Variants in BTK observed in about 807,000 individuals in gnomAD.
BTK encodes the protein Bruton tyrosine kinase.
BTK carries 5 observed loss-of-function variants against 57.4 expected under a neutral mutation model. The observed-to-expected ratio is 0.09, with a 90% confidence interval of 0.05 to 0.18. BTK has a LOEUF of 0.18. Ranked by LOEUF, BTK falls within the 10% of genes least tolerant of loss-of-function variation. BTK has a pLI of 1.00. For missense variants in BTK, 194 were observed against 501.2 expected, an observed-to-expected ratio of 0.39 and a Z score of 5.85; for synonymous variants, 154 against 174.3, an observed-to-expected ratio of 0.88 and a Z score of 0.92.
intron 1 of BTK, among the ~76,000 whole-genome samples, chrX:101,382,216 A>G (rs782678436): frequency 9.1e-6 from 1 of 110,422 alleles, no homozygotes; most frequent in Non-Finnish European, 1.9e-5. Flanking sequence ...GCCAAACTCA[A>G]TTTTCGAAAG....
chrX:101,364,425 G>A (rs111583540), intron 5 of BTK, among the ~76,000 whole-genome samples: 95 of 79,660 alleles, frequency 1.2e-3, no homozygotes, highest in South Asian at 2.9e-3. Context: ...AAAAAAAAAA[G>A]AAAAGAAAAA....
intron 5 of BTK, among the ~76,000 whole-genome samples, chrX:101,366,394 C>T: frequency 8.9e-6 from 1 of 112,179 alleles, no homozygotes; most frequent in Non-Finnish European, 1.9e-5. Flanking sequence ...TGAGATCCAG[C>T]ACCTCATGCC....
At position 101,359,879 on chromosome X, in the gene BTK, GTA is replaced by G. The variant is rs1280227607; in HGVS notation, c.839+207_839+208del. ...AAATATGTTGAAAGTAGAAAAAAGTGTATATATATATATACACACTTGTGTAT... is the reference window on the plus strand; with the variant it reads ...AAATATGTTGAAAGTAGAAAAAAGTGTATATATATATACACACTTGTGTAT... On this transcript the variant is annotated intron_variant, in intron 9 of 18. Transcript: ENST00000308731. Among the ~76,000 whole-genome samples the G allele has an allele frequency of 2.0e-3, 202 of 102,752 alleles. No individual in the cohort carries two copies. The Middle Eastern group carries it at 0.031, about 16-fold the overall frequency. 89.2% of individuals were successfully genotyped at this position (102,752 alleles called of 115,157 possible).
intron 1 of BTK, among the ~76,000 whole-genome samples, chrX:101,376,615 G>A (rs906263502): frequency 5.5e-5 from 6 of 110,006 alleles, no homozygotes; most frequent in African/African-American, 1.7e-4. Flanking sequence ...CAACAAGAGC[G>A]AAACTCCGTC....
intron 6 of BTK, 102 bp downstream of exon 6, chrX:101,362,459 A>G: frequency 8.6e-7 from 1 of 1,160,367 alleles, no homozygotes; most frequent in Admixed American, 2.2e-5. Context: ...TTTAGCACCC[A>G]AAGTGTACAA....
At chrX:101,373,269 C>T (rs1927097954) in intron 3 of BTK, among the ~76,000 whole-genome samples, 1 of 110,760 alleles carries the variant, frequency 9.0e-6, no homozygotes, top group Non-Finnish European at 1.9e-5. Flanking sequence ...AATTTTACTT[C>T]TAGGAAATTA....
intron 5 of BTK, among the ~76,000 whole-genome samples, chrX:101,364,945 T>A (rs1486923445): frequency 1.8e-5 from 2 of 111,409 alleles, no homozygotes; most frequent in Non-Finnish European, 3.8e-5. Flanking sequence ...TTTCACCATA[T>A]TGGCCAGGAT....
At chrX:101,355,016 C>T (rs921305890) in intron 15 of BTK, among the ~76,000 whole-genome samples, 29 of 112,668 alleles carry the variant, frequency 2.6e-4, no homozygotes, top group African/African-American at 7.7e-4. Context: ...CAGTGGCTCA[C>T]GCCTGTAATC....
intron 10 of BTK, among the ~76,000 whole-genome samples, chrX:101,358,903 C>T (rs1490905995): frequency 9.0e-6 from 1 of 111,379 alleles, no homozygotes; most frequent in East Asian, 2.8e-4. Flanking sequence ...TTTGGGAGGC[C>T]GAGGTGGGCG....
upstream of BTK, chrX:101,390,793 C>T (rs1927757636): frequency 2.0e-6 from 1 of 496,764 alleles, no homozygotes; most frequent in Non-Finnish European, 3.4e-6. Context: ...GATAAAGTGA[C>T]GAAACGTTGA....
chrX:101,375,996 G>C (rs1927203641), intron 1 of BTK, among the ~76,000 whole-genome samples: 1 of 109,713 alleles, frequency 9.1e-6, no homozygotes, highest in Admixed American at 9.8e-5. Flanking sequence ...GGTAGTTGTT[G>C]TTTTCTGACC....
intron 18 of BTK, 82 bp downstream of exon 18, chrX:101,353,112 C>A: frequency 1.2e-6 from 1 of 855,332 alleles, no homozygotes; most frequent in African/African-American, 2.1e-5. Flanking sequence ...GTGCAGCTAT[C>A]AGTCTTTGGT....
At chrX:101,388,016 G>A, upstream of BTK, among the ~76,000 whole-genome samples, 1 of 110,601 alleles carries the variant, frequency 9.0e-6, no homozygotes, top group East Asian at 2.9e-4. Flanking sequence ...ACAGGTGCCT[G>A]CCACCACGCC....
intron 8 of BTK, 122 bp downstream of exon 8, chrX:101,360,446 C>T: frequency 1.3e-6 from 1 of 777,530 alleles, no homozygotes; most frequent in Non-Finnish European, 1.9e-6. Flanking sequence ...AGAGCATGTT[C>T]AGTCTGGTGT....
At chrX:101,350,190 T>C (rs1201170766) in intron 18 of BTK, among the ~76,000 whole-genome samples, 1 of 110,379 alleles carries the variant, frequency 9.1e-6, no homozygotes, top group African/African-American at 3.3e-5. Flanking sequence ...AATTTGCAAA[T>C]TAAACTGACA....
Position 101,360,806 on chromosome X carries a change from C to T in BTK, c.589-51G>A, listed in dbSNP as rs781803991. 5 of 1,107,978 alleles carry T rather than the reference C, an allele frequency of 4.5e-6. No homozygotes were observed. In the African/African-American group the frequency reaches 5.5e-5, roughly 12 times the overall value. The allele number at this position is 1,107,978 out of a possible 1,213,427, so 91.3% of individuals were successfully genotyped here. A position where few individuals can be genotyped will look rare whatever the true frequency, so the allele number is the denominator to read the frequency against. Reference sequence around the variant, plus strand: ...AGGGTTTGTCAAGATACCAAGCACTCTTCTCTTCTCTCCCAACTCTCTGGC... The same window carrying T: ...AGGGTTTGTCAAGATACCAAGCACTTTTCTCTTCTCTCCCAACTCTCTGGC... On this transcript the variant is annotated intron_variant, in intron 7 of 18. Coordinates refer to ENST00000308731, the MANE Select transcript of BTK (RefSeq NM_000061.3).
rs181124469 is a variant in BTK at position 101,363,158 on chromosome X, T to C, written c.392-469A>G. On this transcript the variant is annotated intron_variant, in intron 5 of 18. Transcript: ENST00000308731. The stretch of plus-strand genomic sequence containing the variant: ...GAACTTCTGCATGAGGCTTTCTGTA[T>C]AGAATAGTCAACAGAGCTGATCTCA... Among the ~76,000 whole-genome samples the C allele has an allele frequency of 1.3e-3, 143 of 111,599 alleles. No homozygotes were observed. In the Middle Eastern group the frequency reaches 0.018, roughly 14 times the overall value.
chrX:101,382,988 G>A (rs1407924152), intron 1 of BTK, among the ~76,000 whole-genome samples: 1 of 111,380 alleles, frequency 9.0e-6, no homozygotes, highest in Non-Finnish European at 1.9e-5. Context: ...AACATAGGGA[G>A]ACCCCCATCT....
chrX:101,370,196 C>T, intron 4 of BTK, 117 bp from the exon 5 acceptor site: 1 of 608,888 alleles, frequency 1.6e-6, no homozygotes. Flanking sequence ...CAAAGAAAGG[C>T]AGAATCTTCA....
Sources: allele counts gnomAD v4.1 joint callset (sites outside exome capture counted in the v4.1 genomes callset), GRCh38; gene constraint gnomAD v4.1.1; transcripts MANE v1.5; gene names NCBI Gene and HGNC (gene_info 2026-07-23, HGNC 2026-07-21).